TNIP3: variants seen among roughly 807,000 people sequenced by gnomAD.
The protein encoded by TNIP3 is TNFAIP3 interacting protein 3.
Under a neutral mutation model 54.1 loss-of-function variants are expected in TNIP3, and 34 were observed. The ratio of observed to expected loss-of-function variants is 0.63; its 90% CI spans 0.48 to 0.84. The LOEUF is 0.84. TNIP3 is among the 40% of genes least tolerant of loss of function. The pLI is 0.00. For missense variants in TNIP3, 366 were observed against 387.6 expected, an observed-to-expected ratio of 0.94 and a Z score of 0.47; for synonymous variants, 134 against 136.8, an observed-to-expected ratio of 0.98 and a Z score of 0.14.
intron 4 of TNIP3, 78 bp from the exon 5 acceptor site, chr4:121,154,757 C>T: frequency 7.3e-7 from 1 of 1,373,270 alleles, no homozygotes; most frequent in African/African-American, 1.5e-5. Context: ...TCTGATATAT[C>T]AGCCATGGCA....
chr4:121,226,954 C>T (rs1727283217), intron 1 of TNIP3, among the ~76,000 whole-genome samples: 1 of 151,688 alleles, frequency 6.6e-6, no homozygotes, highest in South Asian at 2.1e-4. Flanking sequence ...ATTGCTTAAT[C>T]AAGATTGTTC....
intron 9 of TNIP3, among the ~76,000 whole-genome samples, chr4:121,140,631 C>T (rs1023079143): frequency 1.3e-5 from 2 of 152,164 alleles, no homozygotes; most frequent in Non-Finnish European, 2.9e-5. Context: ...CCTGTAGAAG[C>T]CAACTCCTAT....
intron 2 of TNIP3, among the ~76,000 whole-genome samples, chr4:121,207,265 C>T (rs920677346): frequency 6.6e-6 from 1 of 152,114 alleles, no homozygotes; most frequent in Non-Finnish European, 1.5e-5. Context: ...TGATCAATGA[C>T]ATATTTTAAC....
chr4:121,181,084 A>G (rs1275961672), intron 3 of TNIP3, among the ~76,000 whole-genome samples: 1 of 152,234 alleles, frequency 6.6e-6, no homozygotes, highest in Non-Finnish European at 1.5e-5. Flanking sequence ...AAGTCCCAAA[A>G]GGAGACATAA....
At chr4:121,184,997 A>C (rs1724932139) in intron 2 of TNIP3, among the ~76,000 whole-genome samples, 1 of 152,210 alleles carries the variant, frequency 6.6e-6, no homozygotes, top group Non-Finnish European at 1.5e-5. Flanking sequence ...TAAGCTCTTG[A>C]GGCAGCTTTC....
intron 2 of TNIP3, among the ~76,000 whole-genome samples, chr4:121,191,041 C>A (rs1204167452): frequency 1.3e-5 from 2 of 152,248 alleles, no homozygotes; most frequent in South Asian, 4.1e-4. Context: ...AGCTTAATAG[C>A]ATTTTGGGTC....
intron 9 of TNIP3, among the ~76,000 whole-genome samples, chr4:121,140,489 G>A (rs1434416229): frequency 2.6e-5 from 4 of 152,136 alleles, no homozygotes; most frequent in East Asian, 3.8e-4. Context: ...ATGAGCTATA[G>A]TAGGTGAATT....
chr4:121,170,951 G>C (rs949238434), intron 3 of TNIP3, among the ~76,000 whole-genome samples: 1 of 152,074 alleles, frequency 6.6e-6, no homozygotes, highest in Non-Finnish European at 1.5e-5. Flanking sequence ...GAGTAGCTGG[G>C]ATTACAGGTA....
rs1730265018 is a variant in TNIP3 at position 121,158,763 on chromosome 4, T to G, written c.148-11A>C. 1 of 1,602,156 alleles carries G rather than the reference T, an allele frequency of 6.2e-7. No homozygotes were observed. The highest frequency in any genetic ancestry group is 8.5e-7 in the Non-Finnish European group (1 of 1,176,408). On this transcript the variant is annotated splice_polypyrimidine_tract_variant and intron_variant, in intron 2 of 10. Transcript: ENST00000057513. The stretch of plus-strand genomic sequence containing the variant: ...GTTAACTTCCAGGAGCTGAAATCAT[T>G]AAAATTTGGTGAATCAACAAAGAAT...
intron 2 of TNIP3, among the ~76,000 whole-genome samples, chr4:121,186,264 T>C (rs1725013546): frequency 6.6e-6 from 1 of 152,030 alleles, no homozygotes; most frequent in Middle Eastern, 3.2e-3. Flanking sequence ...AGAGTGGGCG[T>C]CAGTGTTGAC....
rs555547497 is a variant in TNIP3, at chr4:121,197,412, C to T, written c.69-14616G>A. Among the ~76,000 whole-genome samples, 4 of 151,616 alleles carry T rather than the reference C, an allele frequency of 2.6e-5. No individual in the cohort carries two copies. The South Asian group carries it at 8.4e-4, about 32-fold the overall frequency. On this transcript the variant is annotated intron_variant, in intron 2 of 12. Coordinates refer to the TNIP3 transcript ENST00000507879. ...GCGTGGTGGCGGGTGCCTGTAGTCC[C>T]AGCTACTTGGGAGGCTGAGGCAGGG... is the stretch of plus-strand genomic sequence containing the variant.
In TNIP3 at chr4:121,157,374, T is replaced by A. The variant is rs536112258; in HGVS notation, c.214-131A>T. The A allele has an allele frequency of 2.7e-5, 30 of 1,115,676 alleles. No individual in the cohort carries two copies. In the South Asian group the frequency reaches 4.0e-4, roughly 15 times the overall value. 69.1% of individuals were successfully genotyped at this position (1,115,676 alleles called of 1,614,324 possible). A position where few individuals can be genotyped will look rare whatever the true frequency, so the allele number is the denominator to read the frequency against. ...ACGTCCCCTAAGGAGAGGTTCTAGC[T>A]CCCACCGTCCCGAACACAGATCGGG... On this transcript the variant is annotated intron_variant, in intron 3 of 10. Coordinates refer to ENST00000057513, the MANE Select transcript of TNIP3 (RefSeq NM_024873.6).
In TNIP3 at chr4:121,132,642, C is replaced by T. The variant is rs766159759; in HGVS notation, c.967G>A (p.Val323Ile). The T allele has an allele frequency of 1.4e-5, 22 of 1,612,646 alleles. No individual in the cohort carries two copies. The highest frequency in any genetic ancestry group is 1.3e-4 in the African/African-American group (10 of 74,752). ...KANGLSSVKK[V>I]HP is the part of the protein sequence containing the mutation. ...GTTAGTGTGTACTTCTACGGATGGA[C>T]TTTCTTTACTGAGGATAAACCTATG... Residue 323 changes from valine to isoleucine, a missense_variant, in exon 11 of 11, where the codon GTC (valine) becomes ATC (isoleucine). By Grantham distance (29) the Val-to-Ile change is conservative (BLOSUM62 3). Coordinates refer to ENST00000057513, the MANE Select transcript of TNIP3 (RefSeq NM_024873.6).
chr4:121,191,534 C>A (rs1292842189), intron 2 of TNIP3, among the ~76,000 whole-genome samples: 2 of 152,182 alleles, frequency 1.3e-5, no homozygotes, highest in African/African-American at 2.4e-5. Flanking sequence ...TAAGTTATGT[C>A]TGATACATTC....
At chr4:121,223,481 A>C (rs2148854691) in intron 1 of TNIP3, among the ~76,000 whole-genome samples, 1 of 152,368 alleles carries the variant, frequency 6.6e-6, no homozygotes, top group South Asian at 2.1e-4. Context: ...TTAAATAATA[A>C]CACACAATAA....
chr4:121,133,124 A>G (rs1294655327), intron 10 of TNIP3, among the ~76,000 whole-genome samples: 1 of 152,218 alleles, frequency 6.6e-6, no homozygotes, highest in Non-Finnish European at 1.5e-5. Context: ...ATGAAGACCA[A>G]TATGAAAAAT....
In TNIP3 at chr4:121,156,490, A is replaced by G. The variant is rs137931307; in HGVS notation, c.363+604T>C. Among the ~76,000 whole-genome samples, 143 of 152,318 alleles carry G rather than the reference A, an allele frequency of 9.4e-4. 3 individuals carry two copies. The East Asian group carries it at 0.023, about 25-fold the overall frequency. ...GGAGGTTGGGTTCAAGTCCTTTTTC[A>G]TCAACGTGGGCAATTCAATTTGTTT... On this transcript the variant is annotated intron_variant, in intron 4 of 10. Coordinates refer to ENST00000057513, the MANE Select transcript of TNIP3 (RefSeq NM_024873.6).
At chr4:121,165,733 T>C (rs1730729705), upstream of TNIP3, among the ~76,000 whole-genome samples, 1 of 151,844 alleles carries the variant, frequency 6.6e-6, no homozygotes, top group Non-Finnish European at 1.5e-5. Flanking sequence ...GGTCTACGCT[T>C]GAGTGAAAGG....
At chr4:121,188,435 T>C (rs1017104616) in intron 2 of TNIP3, among the ~76,000 whole-genome samples, 4 of 152,156 alleles carry the variant, frequency 2.6e-5, no homozygotes, top group Non-Finnish European at 4.4e-5. Flanking sequence ...AAGAGATCAA[T>C]GATTTTCAGG....
Sources: allele counts gnomAD v4.1 joint callset (sites outside exome capture counted in the v4.1 genomes callset), GRCh38; gene constraint gnomAD v4.1.1; transcripts MANE v1.5; gene names NCBI Gene and HGNC (gene_info 2026-07-23, HGNC 2026-07-21).